The following UNC79 variants were observed in gnomAD, a reference collection of about 807,000 sequenced individuals.
The protein encoded by UNC79 is protein unc-79 homolog.
UNC79 carries 37 observed loss-of-function variants against 283.1 expected under a neutral mutation model. The ratio of observed to expected loss-of-function variants is 0.13; its 90% confidence interval spans 0.10 to 0.17. The LOEUF is 0.17. Ranked by LOEUF, UNC79 falls within the 10% of genes least tolerant of loss-of-function variation. The pLI, the probability that UNC79 is intolerant of heterozygous loss-of-function variation, is 1.00. For synonymous variants in UNC79, 1,107 were observed against 1,200.2 expected (o/e 0.92, Z 1.61); for missense variants, 2,272 against 3,211.1 (o/e 0.71, Z 7.07).
At chr14:93,653,519 G>A (rs572517962) in intron 35 of UNC79, among the ~76,000 whole-genome samples, 1 of 152,120 alleles carries the variant, frequency 6.6e-6, no homozygotes, top group African/African-American at 2.4e-5. Context: ...GTGGGACCTG[G>A]AATACGTCTG....
At chr14:93,338,853 G>A (rs1464148333) in intron 1 of UNC79, among the ~76,000 whole-genome samples, 1 of 152,164 alleles carries the variant, frequency 6.6e-6, no homozygotes, top group African/African-American at 2.4e-5. Flanking sequence ...AGGTTGCTGT[G>A]AGCTGAGATC....
chr14:93,429,183 C>CATTATAT (rs1031091147), upstream of UNC79, among the ~76,000 whole-genome samples: 3 of 152,196 alleles, frequency 2.0e-5, no homozygotes, highest in African/African-American at 7.2e-5. Flanking sequence ...CAGGAATGTT[C>CATTATAT]ATTATATTCA....
chr14:93,543,492 C>A (rs1439318206), intron 14 of UNC79, among the ~76,000 whole-genome samples: 1 of 151,856 alleles, frequency 6.6e-6, no homozygotes, highest in Non-Finnish European at 1.5e-5. Flanking sequence ...GATCCTCCCA[C>A]CTCAGAGACT....
Position 93,634,417 on chromosome 14 carries a change from G to A in UNC79, c.5717-2799G>A. 3.6e-6 allele frequency: 3 copies of A among 844,248 alleles called. No individual in the cohort carries two copies. In the South Asian group the frequency reaches 5.2e-5, roughly 15 times the overall value. The allele number at this position is 844,248 out of a possible 1,614,324, so 52.3% of individuals were successfully genotyped here. ...AAGCATACAATTTACCAAAAATTAT[G>A]AATAGCAAATGAAGGGTCAATTAAA... On this transcript the variant is annotated intron_variant, in intron 31 of 48. Coordinates refer to ENST00000555664, the Ensembl canonical transcript of UNC79.
At chr14:93,603,470 G>T in intron 26 of UNC79, 52 bp downstream of exon 26, 1 of 1,578,054 alleles carries the variant, frequency 6.3e-7, no homozygotes. Flanking sequence ...GTCTTTCTGA[G>T]GCTGACTTGT....
At chr14:93,405,194 A>G (rs897868640) in intron 1 of UNC79, among the ~76,000 whole-genome samples, 2 of 151,914 alleles carry the variant, frequency 1.3e-5, no homozygotes, top group African/African-American at 4.8e-5. Flanking sequence ...GAGGTAGGAA[A>G]ATCGCTTGAA....
chr14:93,677,080 C>T (rs2073405590), intron 41 of UNC79, among the ~76,000 whole-genome samples: 1 of 151,872 alleles, frequency 6.6e-6, no homozygotes, highest in African/African-American at 2.4e-5. Flanking sequence ...GGTTTCAGCA[C>T]CAAGGGAAAA....
chr14:93,486,127 G>T (rs2058415601), intron 4 of UNC79, among the ~76,000 whole-genome samples: 1 of 152,036 alleles, frequency 6.6e-6, no homozygotes. Flanking sequence ...GTTGCCTGTG[G>T]CAGTGGTCTT....
intron 30 of UNC79, among the ~76,000 whole-genome samples, chr14:93,624,456 C>G (rs1411326816): frequency 1.3e-5 from 2 of 152,210 alleles, no homozygotes; most frequent in East Asian, 3.9e-4. Flanking sequence ...TGATAGAGGT[C>G]TATAGGGCTG....
intron 1 of UNC79, among the ~76,000 whole-genome samples, chr14:93,450,589 GT>G (rs1278023738): frequency 6.6e-6 from 1 of 152,104 alleles, no homozygotes; most frequent in Non-Finnish European, 1.5e-5. Context: ...GTTTTTCAGG[GT>G]TTTGAAGGCA....
At chr14:93,642,352 G>A (rs1167534871) in intron 33 of UNC79, among the ~76,000 whole-genome samples, 9 of 150,358 alleles carry the variant, frequency 6.0e-5, no homozygotes, top group Non-Finnish European at 1.0e-4. Flanking sequence ...GTGAACCTGG[G>A]AGGCGGAGCT....
chr14:93,698,485 T>A (rs1202575086), intron 47 of UNC79, among the ~76,000 whole-genome samples: 1 of 103,654 alleles, frequency 9.6e-6, no homozygotes, highest in African/African-American at 4.3e-5. Flanking sequence ...GGTTTTTTTT[T>A]TTTTTTTTTT....
intron 14 of UNC79, among the ~76,000 whole-genome samples, chr14:93,550,514 CAAAAAAAAAA>C (rs1205210121): frequency 1.6e-4 from 3 of 19,194 alleles, no homozygotes; most frequent in African/African-American, 2.7e-4. Context: ...GACTCCGTAT[CAAAAAAAAAA>C]AAAAAAAAAA....
chr14:93,460,848 GA>G (rs1251599070), intron 1 of UNC79, among the ~76,000 whole-genome samples: 1 of 152,096 alleles, frequency 6.6e-6, no homozygotes, highest in Non-Finnish European at 1.5e-5. Flanking sequence ...AGTATAGTGA[GA>G]CTCTGTCTCT....
At chr14:93,391,496 ATCT>A (rs1430937839) in intron 1 of UNC79, among the ~76,000 whole-genome samples, 2 of 152,198 alleles carry the variant, frequency 1.3e-5, no homozygotes, top group Non-Finnish European at 2.9e-5. Context: ...TAAAATTAAG[ATCT>A]TCTCTTCATC....
Position 93,621,760 on chromosome 14 carries a change from G to T in UNC79, c.4527G>T (p.Ser1509=). Reference sequence around the variant, plus strand: ...CTCTTGATATAGGGAATGCAGACTCGCTTTTGTTTACATTAGACGAACATC... The same window carrying T: ...CTCTTGATATAGGGAATGCAGACTCTCTTTTGTTTACATTAGACGAACATC... Residue 1509 remains serine (S), a synonymous_variant, in exon 30 of 49, where the codon TCG becomes TCT. Coordinates refer to ENST00000555664, the Ensembl canonical transcript of UNC79. This position sits in a 1 kb window ranked among gnomAD's most constrained non-coding sequence, Gnocchi z 4.8. 1 of 1,614,056 alleles carries T rather than the reference G, an allele frequency of 6.2e-7. No individual in the cohort carries two copies. The highest frequency in any genetic ancestry group is 8.5e-7 in the Non-Finnish European group (1 of 1,180,012).
chr14:93,608,540 G>A (rs963257071), intron 26 of UNC79, among the ~76,000 whole-genome samples: 1 of 152,228 alleles, frequency 6.6e-6, no homozygotes, highest in African/African-American at 2.4e-5. Flanking sequence ...CTGTGGATAT[G>A]TGCACACACA....
At chr14:93,557,084 GT>G (rs924541564) in intron 14 of UNC79, among the ~76,000 whole-genome samples, 20 of 152,172 alleles carry the variant, frequency 1.3e-4, no homozygotes, top group Admixed American at 3.3e-4. Context: ...ACATCCTTAA[GT>G]TTTTCTTGTA....
chr14:93,602,265 A>G (rs2065562147), intron 25 of UNC79, among the ~76,000 whole-genome samples: 2 of 151,956 alleles, frequency 1.3e-5, no homozygotes, highest in African/African-American at 4.8e-5. Context: ...ATCCATCTTG[A>G]GTTGATTTTT....
Sources: gnomAD v4.1 joint callset for allele counts (sites outside exome capture counted in the v4.1 genomes callset) on GRCh38, gnomAD v4.1.1 for gene constraint, Gnocchi (gnomAD v3.1) non-coding constraint, MANE v1.5 for transcripts, NCBI Gene and HGNC (gene_info 2026-07-23, HGNC 2026-07-21) for gene names.